The following MYH9 variants were observed in gnomAD, a reference collection of about 807,000 sequenced individuals.
The protein encoded by MYH9 is myosin-9.
MYH9 carries 29 observed loss-of-function variants against 241.9 expected under a neutral mutation model. The observed-to-expected ratio is 0.12, with a 90% CI of 0.09 to 0.16. The LOEUF (loss-of-function observed/expected upper bound fraction) is 0.16. MYH9 is among the 10% of genes least tolerant of loss of function. MYH9 has a pLI of 1.00. For missense variants in MYH9, 1,803 were observed against 2,595.5 expected (o/e 0.69, Z 6.63); for synonymous variants, 1,047 against 1,062.6 (o/e 0.99, Z 0.29).
At position 36,366,560 on chromosome 22, in the gene MYH9, G is replaced by A. The variant is rs145549073; in HGVS notation, c.-19-17305C>T. On this transcript the variant is annotated intron_variant, in intron 1 of 40. Coordinates refer to ENST00000216181, the MANE Select transcript of MYH9 (RefSeq NM_002473.6). The stretch of plus-strand genomic sequence containing the variant: ...AAGGAGAGAGCCTCAGAGGCTCAGG[G>A]AGGCTAAGTGACTTGCCTAGGTACA... Among the ~76,000 whole-genome samples, 482 of 152,308 alleles carry A rather than the reference G, an allele frequency of 3.2e-3. 1 individual carries two copies. The highest frequency in any genetic ancestry group is 4.7e-3 in the Non-Finnish European group (320 of 68,034).
chr22:36,353,138 TG>T (rs1193513444), intron 1 of MYH9, among the ~76,000 whole-genome samples: 2 of 151,958 alleles, frequency 1.3e-5, no homozygotes, highest in Non-Finnish European at 2.9e-5. Context: ...TGTGTATAAG[TG>T]TGTTCAGTCA....
At chr22:36,373,820 T>C (rs2018123763) in intron 1 of MYH9, among the ~76,000 whole-genome samples, 1 of 152,214 alleles carries the variant, frequency 6.6e-6, no homozygotes, top group East Asian at 1.9e-4. Context: ...CTCTCCTCAG[T>C]GGACATAAGA....
intron 1 of MYH9, among the ~76,000 whole-genome samples, chr22:36,377,265 A>G (rs2018183632): frequency 6.6e-6 from 1 of 152,170 alleles, no homozygotes. Context: ...TAAGTCACCC[A>G]GACTGTCCCA....
intron 27 of MYH9, 138 bp from the exon 28 acceptor site, chr22:36,294,436 C>G: frequency 1.1e-6 from 1 of 871,564 alleles, no homozygotes; most frequent in South Asian, 1.5e-5. Flanking sequence ...TGGACTCAGA[C>G]GGCTCGGGCC....
intron 25 of MYH9, among the ~76,000 whole-genome samples, chr22:36,296,345 C>T (rs180906235): frequency 6.6e-6 from 1 of 152,260 alleles, no homozygotes; most frequent in East Asian, 1.9e-4. Flanking sequence ...AGTGATTCTC[C>T]TGCCTCAGCC....
At chr22:36,368,083 A>G (rs2018038079) in intron 1 of MYH9, among the ~76,000 whole-genome samples, 1 of 152,250 alleles carries the variant, frequency 6.6e-6, no homozygotes, top group Admixed American at 6.5e-5. Context: ...ACCTGGAGGT[A>G]AGCGCTGGAT....
rs1279676608 is a variant in MYH9 at position 36,306,170 on chromosome 22, C to T, written c.2038-119G>A. The T allele has an allele frequency of 2.0e-6, 3 of 1,526,136 alleles. No individual in the cohort carries two copies. The African/African-American group carries it at 4.1e-5, about 21-fold the overall frequency. 94.5% of individuals were successfully genotyped at this position (1,526,136 alleles called of 1,614,324 possible). A position where few individuals can be genotyped will look rare whatever the true frequency, so the allele number is the denominator to read the frequency against. ...GCCTAAGGGAGGGGGTCGCTACAGC[C>T]CACAGGTTTGGACAATGAAGTCAAA... is the stretch of plus-strand genomic sequence containing the variant. On this transcript the variant is annotated intron_variant, in intron 16 of 40. Coordinates refer to ENST00000216181, the MANE Select transcript of MYH9 (RefSeq NM_002473.6). This position sits in a 1 kb window ranked among gnomAD's most constrained non-coding sequence, Gnocchi z 4.1.
In MYH9 at chr22:36,289,106, G is replaced by A. The variant is rs546744981; in HGVS notation, c.4536C>T (p.Ser1512=). Residue 1512 remains serine (S), a synonymous_variant, in exon 32 of 41, where the codon TCC becomes TCT. Coordinates refer to ENST00000216181, the MANE Select transcript of MYH9 (RefSeq NM_002473.6). ...TCACACTCTTGCCCACATCATCCTT[G>A]GAGCTCATAAGGTCCTCCATCTCCG... The part of the protein sequence containing the change: ...FRTEMEDLMS[S]KDDVGKSVHE... 3.1e-6 allele frequency: 5 copies of A among 1,614,036 alleles called. No homozygotes were observed. In the East Asian group the frequency reaches 8.9e-5, roughly 29 times the overall value.
intron 31 of MYH9, among the ~76,000 whole-genome samples, chr22:36,289,700 CA>C (rs1460172425): frequency 6.6e-6 from 1 of 152,194 alleles, no homozygotes; most frequent in African/African-American, 2.4e-5. Flanking sequence ...GCCTGAACCC[CA>C]TTTGTGGTCT....
chr22:36,358,700 G>C (rs1444028561), intron 1 of MYH9, among the ~76,000 whole-genome samples: 1 of 152,040 alleles, frequency 6.6e-6, no homozygotes, highest in Non-Finnish European at 1.5e-5. Context: ...CCCTGTTCCA[G>C]TCCAGGCCCA....
At chr22:36,328,481 G>T in intron 3 of MYH9, among the ~76,000 whole-genome samples, 2 of 152,196 alleles carry the variant, frequency 1.3e-5, no homozygotes, top group South Asian at 4.1e-4. Flanking sequence ...CCAGGATCAG[G>T]CTACTTACAA....
chr22:36,386,592 G>T (rs374025366), intron 1 of MYH9, among the ~76,000 whole-genome samples: 7 of 152,174 alleles, frequency 4.6e-5, no homozygotes, highest in Non-Finnish European at 8.8e-5. Context: ...GCAGTGAACC[G>T]AGAAGTGGCT....
chr22:36,301,708 T>C, intron 20 of MYH9, 43 bp from the exon 21 acceptor site: 3 of 1,602,480 alleles, frequency 1.9e-6, no homozygotes, highest in South Asian at 2.2e-5. Context: ...GGCTGGAAGA[T>C]GCCCGCCTCT....
In MYH9 at chr22:36,375,446, C is replaced by T. The variant is rs747502304; in HGVS notation, c.-20+12361G>A. Among the ~76,000 whole-genome samples the T allele has an allele frequency of 9.2e-5, 14 of 152,224 alleles. 1 individual carries two copies. The highest frequency in any genetic ancestry group is 2.1e-4 in the South Asian group (1 of 4,836). On this transcript the variant is annotated intron_variant, in intron 1 of 40. Transcript: ENST00000216181. ...CCGCTGTGGGTTGCCAACTGCTGTA[C>T]GGGAGATCCCATTCTGCTGCAGCCC...
intron 1 of MYH9, among the ~76,000 whole-genome samples, chr22:36,362,491 A>C (rs1332335535): frequency 6.6e-6 from 1 of 152,098 alleles, no homozygotes; most frequent in East Asian, 1.9e-4. Flanking sequence ...ATGGCTTTAG[A>C]TCCTCAGCAC....
At chr22:36,326,861 C>G (rs751039218) in intron 4 of MYH9, among the ~76,000 whole-genome samples, 200 bp from the exon 5 acceptor site, 18 of 152,216 alleles carry the variant, frequency 1.2e-4, no homozygotes, top group South Asian at 2.1e-4. Flanking sequence ...AGGGGCCAGA[C>G]AGAAGTAAAC....
chr22:36,378,075 G>A (rs2018199159), intron 1 of MYH9, among the ~76,000 whole-genome samples: 1 of 149,246 alleles, frequency 6.7e-6, no homozygotes, highest in African/African-American at 2.5e-5. Flanking sequence ...AGGAGTTTGA[G>A]ACAAGCCTGG....
At chr22:36,366,588 G>T (rs1195733049) in intron 1 of MYH9, among the ~76,000 whole-genome samples, 1 of 152,130 alleles carries the variant, frequency 6.6e-6, no homozygotes, top group African/African-American at 2.4e-5. Flanking sequence ...TAGGTACAGG[G>T]TTTCCCGGGA....
chr22:36,352,909 G>A (rs994299302), intron 1 of MYH9, among the ~76,000 whole-genome samples: 2 of 152,210 alleles, frequency 1.3e-5, no homozygotes, highest in African/African-American at 2.4e-5. Flanking sequence ...CTAGAATGAC[G>A]TGGGTGAGCA....
Sources: allele counts gnomAD v4.1 joint callset (sites outside exome capture counted in the v4.1 genomes callset), GRCh38; gene constraint gnomAD v4.1.1; non-coding constraint Gnocchi (gnomAD v3.1); transcripts MANE v1.5; gene names NCBI Gene and HGNC (gene_info 2026-07-23, HGNC 2026-07-21).